FBXO7: variants seen among roughly 807,000 people sequenced by gnomAD.
FBXO7 encodes the protein F-box only protein 7.
A neutral mutation model predicts 50.2 loss-of-function variants in FBXO7; 31 were observed. The observed-to-expected ratio is 0.62, with a 90% confidence interval of 0.46 to 0.83. The LOEUF (loss-of-function observed/expected upper bound fraction) is 0.83. FBXO7 is among the 40% of genes least tolerant of loss of function. FBXO7 has a pLI of 0.00. For synonymous variants in FBXO7, 256 were observed against 253.1 expected (o/e 1.01, Z -0.11); for missense variants, 667 against 646.6 (o/e 1.03, Z -0.34).
chr22:32,478,847 A>G, intron 1 of FBXO7, 134 bp from the exon 2 acceptor site: 1 of 887,584 alleles, frequency 1.1e-6, no homozygotes, highest in Non-Finnish European at 1.8e-6. Context: ...AGCCTGGACA[A>G]CATAGTGAGA....
intron 1 of FBXO7, chr22:32,478,176 C>A (rs1220606471): frequency 1.3e-5 from 2 of 152,142 alleles, no homozygotes; most frequent in Non-Finnish European, 2.9e-5. Context: ...GCACAGGATG[C>A]AGTAGGAGAA....
In FBXO7 at chr22:32,491,176, G is replaced by A. The variant is rs765717334; in HGVS notation, c.962G>A (p.Arg321Gln). Residue 321 changes from arginine (R) to glutamine (Q), a missense_variant, in exon 6 of 9, where the codon CGA (arginine) becomes CAA (glutamine). Arg to Gln is a conservative substitution (Grantham distance 43). Transcript: ENST00000266087. ...QLVYPLLAFT[R>Q]QALNLPDVFG... ...GTGTATCCTCTTCTGGCTTTTACCCGACAAGGTAAGAGATGAAATACTGTC... is the reference window on the plus strand; with the variant it reads ...GTGTATCCTCTTCTGGCTTTTACCCAACAAGGTAAGAGATGAAATACTGTC... 13 of 1,589,600 alleles carry A rather than the reference G, an allele frequency of 8.2e-6. No homozygotes were observed. The East Asian group carries it at 2.0e-4, about 25-fold the overall frequency.
At chr22:32,491,940 G>C (rs1430713087) in intron 6 of FBXO7, 1 of 152,136 alleles carries the variant, frequency 6.6e-6, no homozygotes, top group East Asian at 1.9e-4. Flanking sequence ...TGAAGGAGTT[G>C]TCTTTATCCA....
rs990141993 is a variant in FBXO7 at position 32,494,887 on chromosome 22, CTT to C, written c.1145-603_1145-602del. Among the ~76,000 whole-genome samples, 9 of 152,316 alleles carry C rather than the reference CTT, an allele frequency of 5.9e-5. No homozygotes were observed. The South Asian group carries it at 6.2e-4, about 11-fold the overall frequency. The stretch of plus-strand genomic sequence containing the variant: ...GAAGATATCATCTTTTATTCAAACT[CTT>C]TTGTATACTTAAAGTTGAATGGGTT... On this transcript the variant is annotated intron_variant, in intron 7 of 8. Transcript: ENST00000266087.
intron 5 of FBXO7, chr22:32,490,153 C>CA (rs2057525064): frequency 1.3e-5 from 2 of 152,168 alleles, no homozygotes; most frequent in Admixed American, 1.3e-4. Context: ...GGGGAAGGAG[C>CA]AAGCATAAAT....
Position 32,483,944 on chromosome 22 carries a change from G to T in FBXO7, c.465G>T (p.Ala155=), listed in dbSNP as rs765523844. 1.1e-5 allele frequency: 18 copies of T among 1,614,148 alleles called. No homozygotes were observed. Among genetic ancestry groups the T allele is most frequent in the Non-Finnish European group, 1.4e-5 (17 of 1,180,012 alleles). ...AAGCTGAGTCAATTCAAGATAATGC[G>T]CATATGGCAGAGGGCACAGGTTTCT... ...NFEAESIQDN[A]HMAEGTGFYP... is the part of the protein sequence containing the mutation. The change falls in exon 3 of 9, where the codon GCG becomes GCT. Residue 155 remains alanine (A), a synonymous_variant. Coordinates refer to ENST00000266087, the MANE Select transcript of FBXO7 (RefSeq NM_012179.4).
At chr22:32,484,493 G>T (rs536715958) in intron 3 of FBXO7, among the ~76,000 whole-genome samples, 46 of 152,302 alleles carry the variant, frequency 3.0e-4, no homozygotes, top group South Asian at 1.9e-3. Context: ...GTAGTTCGGT[G>T]ATCAGTGCAC....
intron 1 of FBXO7, 141 bp downstream of exon 1, chr22:32,475,265 T>G: frequency 6.4e-7 from 1 of 1,567,350 alleles, no homozygotes; most frequent in Non-Finnish European, 8.6e-7. Flanking sequence ...CGGGGGGGCC[T>G]TCACGGGAGG....
intron 2 of FBXO7, among the ~76,000 whole-genome samples, chr22:32,480,864 C>T (rs1417946908): frequency 6.6e-6 from 1 of 152,108 alleles, no homozygotes; most frequent in Non-Finnish European, 1.5e-5. Flanking sequence ...TGGGGTTTCA[C>T]CATGTTGCTC....
chr22:32,492,708 A>G (rs1178178592), intron 6 of FBXO7: 3 of 263,698 alleles, frequency 1.1e-5, no homozygotes, highest in Admixed American at 5.1e-5. Context: ...CACACAGTTA[A>G]TAACTGGCAT....
chr22:32,489,067 C>T (rs1172785498), intron 5 of FBXO7: 1 of 152,218 alleles, frequency 6.6e-6, no homozygotes, highest in African/African-American at 2.4e-5. Context: ...GCCTCGGCCT[C>T]CCAAAGTGCT....
chr22:32,482,795 A>G (rs997002416), intron 2 of FBXO7, among the ~76,000 whole-genome samples: 3 of 152,230 alleles, frequency 2.0e-5, no homozygotes, highest in Non-Finnish European at 4.4e-5. Context: ...TGTGCTAGGT[A>G]CTTTACTGGG....
rs1005781283 is a variant in FBXO7, at chr22:32,498,611, C to T, written c.*81C>T. ...TGTCAACTCCTTGGGGTGCTGATCTCGAGTGTTATTTTCTGATTGTGGTGT... is the reference window on the plus strand; with the variant it reads ...TGTCAACTCCTTGGGGTGCTGATCTTGAGTGTTATTTTCTGATTGTGGTGT... On this transcript the variant is annotated 3_prime_UTR_variant, in exon 9 of 9. Coordinates refer to ENST00000266087, the MANE Select transcript of FBXO7 (RefSeq NM_012179.4). 2.0e-5 allele frequency: 30 copies of T among 1,479,502 alleles called. No individual in the cohort carries two copies. Among genetic ancestry groups the T allele is most frequent in the Non-Finnish European group, 2.5e-5 (27 of 1,091,432 alleles). 91.6% of individuals were successfully genotyped at this position (1,479,502 alleles called of 1,614,324 possible). A position where few individuals can be genotyped will look rare whatever the true frequency, so the allele number is the denominator to read the frequency against.
chr22:32,475,292 C>G, intron 1 of FBXO7, 168 bp downstream of exon 1: 2 of 1,595,886 alleles, frequency 1.3e-6, no homozygotes, highest in South Asian at 2.2e-5. Context: ...CTCTTCCGGG[C>G]GTCGCGGAGC....
intron 6 of FBXO7, chr22:32,492,380 G>A (rs1430549272): frequency 6.6e-6 from 1 of 152,256 alleles, no homozygotes; most frequent in East Asian, 1.9e-4. Context: ...ATTTTTGCTA[G>A]TGGAGAATAG....
intron 7 of FBXO7, among the ~76,000 whole-genome samples, 200 bp downstream of exon 7, chr22:32,493,481 C>G (rs572938281): frequency 2.4e-4 from 36 of 152,294 alleles, no homozygotes; most frequent in South Asian, 1.2e-3. Flanking sequence ...CAACACAAAT[C>G]ACTCATTAGA....
chr22:32,477,312 C>A (rs2145986601), intron 1 of FBXO7, among the ~76,000 whole-genome samples: 1 of 152,202 alleles, frequency 6.6e-6, no homozygotes. Flanking sequence ...AATAAGTAAA[C>A]AATATAATTT....
intron 6 of FBXO7, chr22:32,492,725 A>C: frequency 3.7e-6 from 1 of 270,100 alleles, no homozygotes; most frequent in South Asian, 4.1e-5. Context: ...GCATGGAAAC[A>C]GATATAAAAG....
chr22:32,475,306 A>T, intron 1 of FBXO7, 182 bp downstream of exon 1: 1 of 1,603,302 alleles, frequency 6.2e-7, no homozygotes, highest in Non-Finnish European at 8.5e-7. Flanking sequence ...GCGGAGCCGG[A>T]GGGTGCAGGC....
Sources: allele counts gnomAD v4.1 joint callset (sites outside exome capture counted in the v4.1 genomes callset), GRCh38; gene constraint gnomAD v4.1.1; transcripts MANE v1.5; gene names NCBI Gene and HGNC (gene_info 2026-07-23, HGNC 2026-07-21).